Variants in C12orf56 observed in about 807,000 individuals in gnomAD.
C12orf56 encodes chromosome 12 open reading frame 56.
In C12orf56, 71 loss-of-function variants were observed where a neutral mutation model predicts 69.9. The ratio of observed to expected loss-of-function variants is 1.02; its 90% confidence interval spans 0.84 to 1.24. C12orf56 has a LOEUF of 1.24. C12orf56 is among the 50% of genes most tolerant of loss of function. The probability of loss-of-function intolerance (pLI) is 0.00; values close to 1 mark genes in which losing one functional copy is unlikely to be tolerated. For missense variants in C12orf56, 732 were observed against 738.5 expected (o/e 0.99, Z 0.10); for synonymous variants, 276 against 274.1 (o/e 1.01, Z -0.07).
chr12:64,380,668 G>A (rs1246137928), intron 1 of C12orf56, among the ~76,000 whole-genome samples: 1 of 152,192 alleles, frequency 6.6e-6, no homozygotes, highest in Non-Finnish European at 1.5e-5. Context: ...AGGCATCCTC[G>A]TGGAAGTGAT....
At chr12:64,333,686 G>C (rs577622240) in intron 2 of C12orf56, among the ~76,000 whole-genome samples, 1 of 152,136 alleles carries the variant, frequency 6.6e-6, no homozygotes, top group South Asian at 2.1e-4. Flanking sequence ...ATTTTTAGTA[G>C]AGACGGGGTT....
intron 1 of C12orf56, among the ~76,000 whole-genome samples, chr12:64,355,009 T>C (rs1592482044): frequency 7.6e-6 from 1 of 131,418 alleles, no homozygotes; most frequent in South Asian, 2.3e-4. Context: ...ACCCTGGAGG[T>C]GGAGGTTGCA....
chr12:64,345,045 C>G (rs11175347), intron 2 of C12orf56, among the ~76,000 whole-genome samples: 5 of 152,032 alleles, frequency 3.3e-5, no homozygotes, highest in Non-Finnish European at 7.4e-5. Context: ...ATCCCACACC[C>G]TTAATATCCA....
intron 9 of C12orf56, among the ~76,000 whole-genome samples, chr12:64,276,830 C>CA (rs2038056258): frequency 6.6e-6 from 1 of 150,492 alleles, no homozygotes; most frequent in Admixed American, 6.6e-5. Context: ...CCCATCTCTA[C>CA]AAAAAATACA....
At chr12:64,327,173 A>C (rs1173899564) in intron 3 of C12orf56, among the ~76,000 whole-genome samples, 1 of 145,952 alleles carries the variant, frequency 6.9e-6, no homozygotes, top group African/African-American at 2.6e-5. Flanking sequence ...CTCAGCCTCC[A>C]TAACTATAAG....
At chr12:64,389,129 G>C (rs551203693) in intron 1 of C12orf56, 1 of 152,066 alleles carries the variant, frequency 6.6e-6, no homozygotes, top group Non-Finnish European at 1.5e-5. Context: ...ATGAAAAAAC[G>C]AGGCTAGACA....
intron 1 of C12orf56, among the ~76,000 whole-genome samples, chr12:64,368,111 T>A (rs1047806825): frequency 6.6e-6 from 1 of 151,568 alleles, no homozygotes. Context: ...CCTGGCCTTG[T>A]TTTTTTGAGA....
intron 3 of C12orf56, among the ~76,000 whole-genome samples, chr12:64,324,736 G>T (rs918253063): frequency 6.6e-6 from 1 of 152,294 alleles, no homozygotes; most frequent in Middle Eastern, 3.4e-3. Flanking sequence ...TGGCTTTAAG[G>T]TGGATAATGG....
chr12:64,369,395 G>A (rs1292393213), intron 1 of C12orf56, among the ~76,000 whole-genome samples: 2 of 151,870 alleles, frequency 1.3e-5, no homozygotes, highest in Non-Finnish European at 2.9e-5. Flanking sequence ...ACAGGGTTTC[G>A]CCATATTGGC....
At position 64,380,104 on chromosome 12, in the gene C12orf56, CAAAAAAAAAAAAAAA is replaced by C. The variant is rs60079906; in HGVS notation, c.252+10195_252+10209del. ...TGGGCGACAGAGCAAGACTCCGTCG[CAAAAAAAAAAAAAAA>C]AAAAAAAAAAAAAAACAAAACAAAC... On this transcript the variant is annotated intron_variant, in intron 1 of 12. Transcript: ENST00000543942. Among the ~76,000 whole-genome samples the C allele has an allele frequency of 9.6e-4, 48 of 49,978 alleles. 1 individual carries two copies. The highest frequency in any genetic ancestry group is 4.7e-3 in the African/African-American group (42 of 8,918). 32.8% of individuals were successfully genotyped at this position (49,978 alleles called of 152,430 possible).
At chr12:64,379,974 G>A (rs971635069) in intron 1 of C12orf56, among the ~76,000 whole-genome samples, 7 of 149,392 alleles carry the variant, frequency 4.7e-5, no homozygotes, top group Admixed American at 2.7e-4. Flanking sequence ...GATGGCGGAC[G>A]GACGCCTGTA....
intron 2 of C12orf56, among the ~76,000 whole-genome samples, chr12:64,348,354 C>A (rs2039175366): frequency 6.6e-6 from 1 of 152,130 alleles, no homozygotes; most frequent in East Asian, 1.9e-4. Flanking sequence ...CAACAAGGTA[C>A]TCTTAAGGCA....
chr12:64,336,933 T>C (rs1384631011), intron 2 of C12orf56, among the ~76,000 whole-genome samples: 1 of 152,132 alleles, frequency 6.6e-6, no homozygotes, highest in Non-Finnish European at 1.5e-5. Flanking sequence ...CCTTATTTCA[T>C]GTAATATAAC....
rs1329112954 is a variant in C12orf56 at position 64,390,522 on chromosome 12, C to T, written c.44G>A (p.Ser15Asn). The part of the protein sequence containing the change: ...LPSGFPARRN[S>N]RLDVFLRRHL... ...CCGCCGCAGGAACACATCCAGGCGG[C>T]TGTTCCTGCGCGCGGGGAAGCCGGA... is the stretch of plus-strand genomic sequence containing the variant. The change falls in exon 1 of 13, where the codon AGC becomes AAC. Residue 15 changes from serine to asparagine, a missense_variant. Coordinates refer to ENST00000543942, the MANE Select transcript of C12orf56 (RefSeq NM_001170633.2). 2 of 1,597,914 alleles carry T rather than the reference C, an allele frequency of 1.3e-6. No homozygotes were observed. Among genetic ancestry groups the T allele is most frequent in the East Asian group, 2.2e-5 (1 of 44,722 alleles).
chr12:64,293,508 A>G (rs893156669), intron 6 of C12orf56: 1 of 152,224 alleles, frequency 6.6e-6, no homozygotes, highest in Non-Finnish European at 1.5e-5. Context: ...TGTCTTTCAA[A>G]TGGGTTAATA....
At chr12:64,325,033 C>T (rs2038820247) in intron 3 of C12orf56, among the ~76,000 whole-genome samples, 1 of 152,132 alleles carries the variant, frequency 6.6e-6, no homozygotes, top group South Asian at 2.1e-4. Flanking sequence ...CTGAGGATTC[C>T]ATAGCCTGGA....
At chr12:64,338,666 C>G (rs2039030478) in intron 2 of C12orf56, 4 of 1,579,446 alleles carry the variant, frequency 2.5e-6, no homozygotes, top group Non-Finnish European at 3.5e-6. Context: ...CACAAACTGA[C>G]CTTTCTCTAT....
intron 1 of C12orf56, among the ~76,000 whole-genome samples, chr12:64,386,294 A>ACTTC (rs1275184705): frequency 6.6e-6 from 1 of 151,638 alleles, no homozygotes; most frequent in African/African-American, 2.4e-5. Flanking sequence ...GCTCACTGCA[A>ACTTC]CTTCCGCCTC....
At chr12:64,307,279 T>G (rs1592437854) in intron 5 of C12orf56, among the ~76,000 whole-genome samples, 1 of 151,860 alleles carries the variant, frequency 6.6e-6, no homozygotes, top group South Asian at 2.1e-4. Context: ...TCAGAATGTA[T>G]CTCTAAATAA....
Sources: gnomAD v4.1 joint callset for allele counts (sites outside exome capture counted in the v4.1 genomes callset) on GRCh38, gnomAD v4.1.1 for gene constraint, MANE v1.5 for transcripts, NCBI Gene and HGNC (gene_info 2026-07-23, HGNC 2026-07-21) for gene names.